The following ZNF333 variants were observed in gnomAD, a reference collection of about 807,000 sequenced individuals.
ZNF333 encodes zinc finger protein 333.
ZNF333 carries 61 observed loss-of-function variants against 76.1 expected under a neutral mutation model. That is an observed-to-expected ratio of 0.80 (90% CI 0.65 to 0.99). The LOEUF (loss-of-function observed/expected upper bound fraction) is 0.99. Ranked by LOEUF, ZNF333 falls within the 50% of genes least tolerant of loss-of-function variation. The probability of loss-of-function intolerance (pLI) is 0.00; values close to 1 mark genes in which losing one functional copy is unlikely to be tolerated. For missense variants in ZNF333, 717 were observed against 822.4 expected (o/e 0.87, Z 1.57); for synonymous variants, 284 against 305.0 (o/e 0.93, Z 0.72).
intron 2 of ZNF333, 53 bp downstream of exon 2, chr19:14,693,547 A>C (rs890940245): frequency 2.8e-5 from 45 of 1,581,948 alleles, no homozygotes; most frequent in Non-Finnish European, 3.7e-5. Context: ...TAGGATAACT[A>C]TGTCCTCTGG....
chr19:14,724,543 A>C (rs1381597673), downstream of ZNF333, among the ~76,000 whole-genome samples: 1 of 152,210 alleles, frequency 6.6e-6, no homozygotes, highest in Non-Finnish European at 1.5e-5. Flanking sequence ...AGGCGGGTGG[A>C]TCACCTGAGG....
chr19:14,729,880 A>G (rs947119948), intron 11 of ZNF333, among the ~76,000 whole-genome samples: 2 of 152,170 alleles, frequency 1.3e-5, no homozygotes, highest in African/African-American at 2.4e-5. Context: ...CTTGATAAAT[A>G]CATCCAATTT....
chr19:14,719,409 A>G lies in ZNF333; in HGVS notation c.*84A>G. 7.2e-7 allele frequency: 1 copy of G among 1,389,958 alleles called. No individual in the cohort carries two copies. The highest frequency in any genetic ancestry group is 1.4e-5 in the African/African-American group (1 of 69,090). 86.1% of individuals were successfully genotyped at this position (1,389,958 alleles called of 1,614,324 possible). A position where few individuals can be genotyped will look rare whatever the true frequency, so the allele number is the denominator to read the frequency against. On this transcript the variant is annotated 3_prime_UTR_variant, in exon 12 of 12. Coordinates refer to ENST00000292530, the MANE Select transcript of ZNF333 (RefSeq NM_032433.4). ...TTAGCTGCATCCTGTGTTTCAATGT[A>G]TAATATTTTCATTTTGGTTTAATTG...
chr19:14,733,652 C>G (rs1331020200), exon 12 of ZNF333: 1 of 152,242 alleles, frequency 6.6e-6, no homozygotes, highest in African/African-American at 2.4e-5. Flanking sequence ...TCCTTAAACA[C>G]TCTTAGTCTG....
chr19:14,712,127 CAG>C (rs2042294515), intron 7 of ZNF333, among the ~76,000 whole-genome samples: 2 of 151,790 alleles, frequency 1.3e-5, no homozygotes, highest in Non-Finnish European at 2.9e-5. Context: ...TGTAGAGTGT[CAG>C]AGAGGGGTGA....
At chr19:14,696,623 G>A (rs1973211900) in intron 4 of ZNF333, among the ~76,000 whole-genome samples, 1 of 151,674 alleles carries the variant, frequency 6.6e-6, no homozygotes. Context: ...AGATCATGTT[G>A]CAAGAGAACA....
intron 11 of ZNF333, chr19:14,731,078 C>A: frequency 9.5e-7 from 1 of 1,052,698 alleles, no homozygotes; most frequent in Non-Finnish European, 1.4e-6. Context: ...TCTCAAGCAC[C>A]GCCCCTCCTG....
Position 14,719,533 on chromosome 19 carries a change from G to A in ZNF333, c.*208G>A. The A allele has an allele frequency of 9.3e-7, 1 of 1,073,460 alleles. No homozygotes were observed. The highest frequency in any genetic ancestry group is 1.3e-6 in the Non-Finnish European group (1 of 787,894). 66.5% of individuals were successfully genotyped at this position (1,073,460 alleles called of 1,614,324 possible). A position where few individuals can be genotyped will look rare whatever the true frequency, so the allele number is the denominator to read the frequency against. ...TAATATGTGGATATATTTTCATAGA[G>A]GTATAATGACTTATAGTGAAATGCA... On this transcript the variant is annotated 3_prime_UTR_variant, in exon 12 of 12. Transcript: ENST00000292530.
At chr19:14,696,345 A>T (rs1203773767) in intron 4 of ZNF333, among the ~76,000 whole-genome samples, 8 of 151,834 alleles carry the variant, frequency 5.3e-5, no homozygotes, top group Non-Finnish European at 1.0e-4. Context: ...GTTACTCCCC[A>T]TTACCCCTCC....
intron 5 of ZNF333, chr19:14,701,961 GTT>G: frequency 2.1e-6 from 2 of 951,624 alleles, no homozygotes; most frequent in South Asian, 4.9e-5. Context: ...CAGCTGTCAG[GTT>G]CTACTGCCTG....
chr19:14,700,847 G>A (rs560244258), intron 5 of ZNF333, among the ~76,000 whole-genome samples: 10 of 152,312 alleles, frequency 6.6e-5, no homozygotes, highest in East Asian at 1.9e-4. Context: ...GCATCAGAGC[G>A]TCAGGGATGC....
intron 4 of ZNF333, among the ~76,000 whole-genome samples, chr19:14,697,816 G>A (rs1321151746): frequency 2.0e-5 from 3 of 152,250 alleles, no homozygotes; most frequent in South Asian, 2.1e-4. Flanking sequence ...TCCCACCAGC[G>A]GAGATGAGAG....
chr19:14,727,515 C>T (rs2042641563), intron 11 of ZNF333, among the ~76,000 whole-genome samples: 1 of 152,122 alleles, frequency 6.6e-6, no homozygotes, highest in Non-Finnish European at 1.5e-5. Flanking sequence ...CTCTTTTAAA[C>T]AACCTGATCT....
chr19:14,705,269 G>GC, intron 6 of ZNF333, 99 bp downstream of exon 6: 1 of 953,596 alleles, frequency 1.0e-6, no homozygotes, highest in Non-Finnish European at 1.6e-6. Flanking sequence ...GGAAAGGAGG[G>GC]TGTTTGGGGC....
rs2042065970 is a variant in ZNF333, at chr19:14,704,950, C to T, written c.307-104C>T. Reference sequence around the variant, plus strand: ...GAGCCACTGCACCCATCCCCATTTGCCTTGACTTCTGGCAGCCCTAAGCCC... The same window carrying T: ...GAGCCACTGCACCCATCCCCATTTGTCTTGACTTCTGGCAGCCCTAAGCCC... On this transcript the variant is annotated intron_variant, in intron 5 of 11. Transcript: ENST00000292530. The T allele has an allele frequency of 2.9e-5, 31 of 1,081,726 alleles. 2 individuals are homozygous for T. In the South Asian group the frequency reaches 3.8e-4, roughly 13 times the overall value. 67.0% of individuals were successfully genotyped at this position (1,081,726 alleles called of 1,614,324 possible).
At chr19:14,716,923 T>C in intron 9 of ZNF333, 71 bp from the exon 10 acceptor site, 1 of 1,420,418 alleles carries the variant, frequency 7.0e-7, no homozygotes, top group Non-Finnish European at 9.7e-7. Context: ...CCTAAAGACT[T>C]GAGAATATCG....
Position 14,698,764 on chromosome 19 carries a change from C to T in ZNF333, c.224-435C>T, listed in dbSNP as rs1401895062. On this transcript the variant is annotated intron_variant, in intron 4 of 11. Transcript: ENST00000292530. Reference sequence around the variant, plus strand: ...GCTGAGGCAGAGAATTGCTTGAACTCAGGAGGCAGAGGTTGCAGTGAGCCA... The same window carrying T: ...GCTGAGGCAGAGAATTGCTTGAACTTAGGAGGCAGAGGTTGCAGTGAGCCA... Among the ~76,000 whole-genome samples, 8 of 147,014 alleles carry T rather than the reference C, an allele frequency of 5.4e-5. No homozygotes were observed. In the East Asian group the frequency reaches 6.2e-4, roughly 11 times the overall value.
At position 14,720,996 on chromosome 19, in the gene ZNF333, CT is replaced by C; in HGVS notation, c.*1675del. On this transcript the variant is annotated 3_prime_UTR_variant, in exon 12 of 12. Coordinates refer to ENST00000292530, the MANE Select transcript of ZNF333 (RefSeq NM_032433.4). The stretch of plus-strand genomic sequence containing the variant: ...CTTTTATTCTTATAAAGTGATCATC[CT>C]TTTCCCTATTACTGAACATTCAACC... The C allele has an allele frequency of 1.1e-6, 1 of 901,682 alleles. No individual in the cohort carries two copies. Among genetic ancestry groups the C allele is most frequent in the Non-Finnish European group, 1.3e-6 (1 of 753,904 alleles). 55.9% of individuals were successfully genotyped at this position (901,682 alleles called of 1,614,324 possible). A position where few individuals can be genotyped will look rare whatever the true frequency, so the allele number is the denominator to read the frequency against.
chr19:14,728,471 A>G (rs1038455598), intron 11 of ZNF333, among the ~76,000 whole-genome samples: 2 of 152,126 alleles, frequency 1.3e-5, no homozygotes, highest in Non-Finnish European at 2.9e-5. Context: ...TGGTCATGTT[A>G]TCTTGCTAGG....
Sources: gnomAD v4.1 joint callset for allele counts (sites outside exome capture counted in the v4.1 genomes callset) on GRCh38, gnomAD v4.1.1 for gene constraint, MANE v1.5 for transcripts, NCBI Gene and HGNC (gene_info 2026-07-23, HGNC 2026-07-21) for gene names.